MICAL2: variants seen among roughly 807,000 people sequenced by gnomAD.
MICAL2 encodes [F-actin]-monooxygenase MICAL2.
A neutral mutation model predicts 127.3 loss-of-function variants in MICAL2; 77 were observed. The observed-to-expected ratio is 0.60, with a 90% CI of 0.50 to 0.73. The LOEUF is 0.73. MICAL2 is among the 30% of genes least tolerant of loss of function. MICAL2 has a pLI of 0.00. For synonymous variants in MICAL2, 570 were observed against 551.1 expected, an observed-to-expected ratio of 1.03 and a Z score of -0.48; for missense variants, 1,351 against 1,434.4, an observed-to-expected ratio of 0.94 and a Z score of 0.94.
intron 8 of MICAL2, among the ~76,000 whole-genome samples, chr11:12,217,684 G>T (rs999899231): frequency 6.6e-6 from 1 of 152,132 alleles, no homozygotes; most frequent in Non-Finnish European, 1.5e-5. Context: ...GGATGCTAAG[G>T]TCACCCTCAG....
At chr11:12,135,161 G>A (rs1183788904) in intron 1 of MICAL2, among the ~76,000 whole-genome samples, 1 of 152,174 alleles carries the variant, frequency 6.6e-6, no homozygotes, top group Non-Finnish European at 1.5e-5. Flanking sequence ...CTTTTTGGCT[G>A]GAGAGTGGGA....
chr11:12,336,325 G>T (rs1456922735), intron 32 of MICAL2, among the ~76,000 whole-genome samples: 1 of 152,198 alleles, frequency 6.6e-6, no homozygotes, highest in African/African-American at 2.4e-5. Flanking sequence ...CTTTGCTGAA[G>T]TGGCTTATCA....
downstream of MICAL2, among the ~76,000 whole-genome samples, chr11:12,360,118 T>TA (rs1565315803): frequency 0.12 from 2,783 of 24,122 alleles, 98 homozygotes; most frequent in Middle Eastern, 0.15. Context: ...CTTTTTTTTT[T>TA]TAAAAAAAAA....
intron 1 of MICAL2, among the ~76,000 whole-genome samples, chr11:12,115,887 T>C (rs1849973789): frequency 6.6e-6 from 1 of 152,202 alleles, no homozygotes; most frequent in South Asian, 2.1e-4. Context: ...CCCAGCACTA[T>C]TGGGATTTCG....
chr11:12,283,940 A>G (rs1410765726), intron 2 of MICAL2, among the ~76,000 whole-genome samples: 3 of 152,206 alleles, frequency 2.0e-5, no homozygotes, highest in Non-Finnish European at 4.4e-5. Flanking sequence ...GGTTCTCACC[A>G]TCAGAAATTC....
chr11:12,328,072 C>T (rs1307868623), intron 32 of MICAL2, among the ~76,000 whole-genome samples: 1 of 152,198 alleles, frequency 6.6e-6, no homozygotes, highest in Non-Finnish European at 1.5e-5. Context: ...CTTAAGTTAA[C>T]ACATTGCCTG....
intron 1 of MICAL2, among the ~76,000 whole-genome samples, chr11:12,279,075 G>A (rs550765125): frequency 1.3e-5 from 2 of 152,158 alleles, no homozygotes; most frequent in Admixed American, 6.5e-5. Context: ...GAGCTCTGGG[G>A]CATTTGAACA....
intron 2 of MICAL2, among the ~76,000 whole-genome samples, chr11:12,139,342 C>A (rs1279602907): frequency 6.6e-6 from 1 of 152,164 alleles, no homozygotes; most frequent in Non-Finnish European, 1.5e-5. Context: ...ATGAATAAAA[C>A]CCTCCCTTCT....
At position 12,260,839 on chromosome 11, in the gene MICAL2, C is replaced by G. The variant is rs923683136; in HGVS notation, c.3334+942C>G. 5.1e-6 allele frequency: 5 copies of G among 985,258 alleles called. No homozygotes were observed. The African/African-American group carries it at 7.0e-5, about 14-fold the overall frequency. The allele number at this position is 985,258 out of a possible 1,614,324, so 61.0% of individuals were successfully genotyped here. ...GTTAAACAGTAGCTTAAAGGCTTTC[C>G]CCCCCATACCAACTCACAGCCAAAT... On this transcript the variant is annotated intron_variant, in intron 26 of 27. Transcript: ENST00000683283.
intron 18 of MICAL2, 129 bp downstream of exon 18, chr11:12,241,291 GT>G: frequency 1.7e-6 from 2 of 1,168,708 alleles, no homozygotes; most frequent in Non-Finnish European, 2.4e-6. Flanking sequence ...ACACCTTGAT[GT>G]CACCACACTT....
chr11:12,142,010 G>A (rs551958492), intron 2 of MICAL2, among the ~76,000 whole-genome samples: 1 of 152,342 alleles, frequency 6.6e-6, no homozygotes, highest in African/African-American at 2.4e-5. Context: ...GAGGCCCAGA[G>A]ACATGACTCA....
chr11:12,237,442 C>T (rs904946765), intron 16 of MICAL2, among the ~76,000 whole-genome samples: 2 of 152,170 alleles, frequency 1.3e-5, no homozygotes, highest in African/African-American at 4.8e-5. Flanking sequence ...TTACGGGTGT[C>T]AGCTCTCTAG....
At chr11:12,215,496 C>A (rs1258007663) in intron 7 of MICAL2, among the ~76,000 whole-genome samples, 1 of 152,226 alleles carries the variant, frequency 6.6e-6, no homozygotes, top group African/African-American at 2.4e-5. Context: ...CTGGCCCTAT[C>A]CCCAGGGTTT....
intron 15 of MICAL2, among the ~76,000 whole-genome samples, chr11:12,231,183 A>G (rs1858211188): frequency 6.6e-6 from 1 of 152,248 alleles, no homozygotes; most frequent in Non-Finnish European, 1.5e-5. Flanking sequence ...ACCTGTACTT[A>G]TGGCCACTAC....
chr11:12,314,128 TG>T (rs2134828624), intron 29 of MICAL2, among the ~76,000 whole-genome samples: 1 of 152,062 alleles, frequency 6.6e-6, no homozygotes, highest in East Asian at 1.9e-4. Context: ...TCCAATTTGA[TG>T]GTCTCTTTTA....
At chr11:12,208,391 C>A in intron 5 of MICAL2, 1 of 379,444 alleles carries the variant, frequency 2.6e-6, no homozygotes, top group East Asian at 5.4e-5. Flanking sequence ...GGGGTTGCTA[C>A]TTTGGCAAAG....
At position 12,354,797 on chromosome 11, in the gene MICAL2, G is replaced by T. The variant is rs1036022844; in HGVS notation, c.5629G>T (p.Glu1877Ter). The change falls in exon 34 of 35, where the codon GAA becomes TAA. Residue 1877 changes from glutamate to a stop codon, truncating the protein, a stop_gained. Coordinates refer to the MICAL2 transcript ENST00000646065. LOFTEE classifies it high-confidence loss of function. Reference sequence around the variant, plus strand: ...TTTCTCACCCAGGGCCCAGGAACTGGAATTAGAAGATCATCAAAGCAGACT... The same window carrying T: ...TTTCTCACCCAGGGCCCAGGAACTGTAATTAGAAGATCATCAAAGCAGACT... 1.2e-6 allele frequency: 2 copies of T among 1,614,016 alleles called. No individual in the cohort carries two copies. The highest frequency in any genetic ancestry group is 8.5e-7 in the Non-Finnish European group (1 of 1,179,982).
chr11:12,143,023 G>C (rs1053285406), intron 2 of MICAL2, among the ~76,000 whole-genome samples: 1 of 152,230 alleles, frequency 6.6e-6, no homozygotes, highest in Non-Finnish European at 1.5e-5. Context: ...TTTACTCCTA[G>C]GACTTGTGGC....
chr11:12,309,073 A>T (rs1864144366), intron 29 of MICAL2, among the ~76,000 whole-genome samples: 1 of 152,134 alleles, frequency 6.6e-6, no homozygotes, highest in Admixed American at 6.5e-5. Flanking sequence ...TCATAGTTTT[A>T]TTTGTGTTTT....
Sources: gnomAD v4.1 joint callset for allele counts (sites outside exome capture counted in the v4.1 genomes callset) on GRCh38, gnomAD v4.1.1 for gene constraint, MANE v1.5 for transcripts, NCBI Gene and HGNC (gene_info 2026-07-23, HGNC 2026-07-21) for gene names.